MRTFB: variants seen among roughly 807,000 people sequenced by gnomAD.
MRTFB encodes myocardin-related transcription factor B.
Under a neutral mutation model 104.2 loss-of-function variants are expected in MRTFB, and 29 were observed. The observed-to-expected ratio is 0.28, with a 90% CI of 0.21 to 0.38. The LOEUF (loss-of-function observed/expected upper bound fraction) is 0.38, where lower values mean the gene tolerates loss of function less well. MRTFB is among the 10% of genes least tolerant of loss of function. MRTFB has a pLI of 1.00. For synonymous variants in MRTFB, 535 were observed against 519.5 expected, an observed-to-expected ratio of 1.03 and a Z score of -0.41; for missense variants, 1,270 against 1,341.6, an observed-to-expected ratio of 0.95 and a Z score of 0.83.
At chr16:14,249,898 C>T (rs894609898) in intron 13 of MRTFB, among the ~76,000 whole-genome samples, 1 of 152,154 alleles carries the variant, frequency 6.6e-6, no homozygotes, top group African/African-American at 2.4e-5. Flanking sequence ...TGGGTGAAAC[C>T]AGCTTTGGGG....
At chr16:14,082,088 G>C (rs969092828) in intron 2 of MRTFB, among the ~76,000 whole-genome samples, 2 of 152,112 alleles carry the variant, frequency 1.3e-5, no homozygotes, top group Non-Finnish European at 2.9e-5. Flanking sequence ...CCTGTGTTTT[G>C]GGGTTCATAT....
At chr16:14,148,481 A>G (rs1160180576) in intron 3 of MRTFB, among the ~76,000 whole-genome samples, 1 of 152,256 alleles carries the variant, frequency 6.6e-6, no homozygotes, top group Non-Finnish European at 1.5e-5. Flanking sequence ...CAGCAATAAT[A>G]AAGTACTCTT....
At position 14,261,138 on chromosome 16, in the gene MRTFB, A is replaced by T. The variant is rs758157981; in HGVS notation, c.2994A>T (p.Pro998=). ...GTLPSANEIP[P]LQSSSEDREP... is the part of the protein sequence containing the mutation. ...TACCCTCAGCCAATGAAATTCCTCC[A>T]CTACAAAGCAGCAGTGAAGACAGAG... The change falls in exon 17 of 17, where the codon CCA becomes CCT. Residue 998 remains proline, a synonymous_variant. Coordinates refer to ENST00000571589, the MANE Select transcript of MRTFB (RefSeq NM_001308142.2). 4.3e-6 allele frequency: 7 copies of T among 1,614,196 alleles called. No homozygotes were observed. Among genetic ancestry groups the T allele is most frequent in the Non-Finnish European group, 5.9e-6 (7 of 1,180,038 alleles).
chr16:14,235,819 GA>G (rs2042475936), intron 9 of MRTFB, among the ~76,000 whole-genome samples: 1 of 152,086 alleles, frequency 6.6e-6, no homozygotes, highest in Non-Finnish European at 1.5e-5. Flanking sequence ...GATTATACTC[GA>G]ACCGCATTTT....
chr16:14,179,302 A>G (rs954944594), intron 3 of MRTFB, among the ~76,000 whole-genome samples: 4 of 152,236 alleles, frequency 2.6e-5, no homozygotes, highest in African/African-American at 9.6e-5. Flanking sequence ...ATCATGACTC[A>G]TAGATCCCAT....
the MRTFB span, among the ~76,000 whole-genome samples, chr16:13,997,776 G>T: frequency 3.3e-5 from 4 of 121,448 alleles, no homozygotes; most frequent in Non-Finnish European, 6.4e-5. Context: ...CTGTGTGACA[G>T]AGCAAGACCC....
At chr16:14,009,360 C>A in the MRTFB span, 1 of 152,102 alleles carries the variant, frequency 6.6e-6, no homozygotes, top group Non-Finnish European at 1.5e-5. Context: ...GCATATTGAT[C>A]TTGTATCCTG....
chr16:14,256,194 C>CAAAAAAAAAAA (rs750556838), intron 15 of MRTFB, among the ~76,000 whole-genome samples: 1 of 77,640 alleles, frequency 1.3e-5, no homozygotes, highest in Non-Finnish European at 2.7e-5. Flanking sequence ...AACAGGATAA[C>CAAAAAAAAAAA]AAAAAAAAAA....
chr16:14,160,864 C>T (rs1241956193), intron 3 of MRTFB, among the ~76,000 whole-genome samples: 2 of 151,964 alleles, frequency 1.3e-5, no homozygotes, highest in Non-Finnish European at 2.9e-5. Context: ...GCCCATCCCC[C>T]TTAATTTTTT....
intron 3 of MRTFB, among the ~76,000 whole-genome samples, chr16:14,160,299 A>G (rs1194713697): frequency 6.6e-6 from 1 of 152,110 alleles, no homozygotes; most frequent in East Asian, 1.9e-4. Flanking sequence ...AATGACCCCA[A>G]TTTGAATTTG....
intron 9 of MRTFB, among the ~76,000 whole-genome samples, chr16:14,234,771 G>A (rs569802814): frequency 6.6e-6 from 1 of 152,104 alleles, no homozygotes; most frequent in South Asian, 2.1e-4. Flanking sequence ...CTCTAGCTTG[G>A]GTGACAGAGC....
At chr16:14,216,801 C>T (rs1199320148) in intron 6 of MRTFB, among the ~76,000 whole-genome samples, 1 of 152,198 alleles carries the variant, frequency 6.6e-6, no homozygotes, top group African/African-American at 2.4e-5. Context: ...CTTGCCCATC[C>T]TCTGTATCCC....
chr16:14,050,508 C>T, the MRTFB span, among the ~76,000 whole-genome samples: 1 of 152,140 alleles, frequency 6.6e-6, no homozygotes, highest in Non-Finnish European at 1.5e-5. Context: ...AATCCTACTA[C>T]TCCACAGGCT....
In MRTFB at chr16:14,252,582, CCCT is replaced by C; in HGVS notation, c.2703+81_2703+83del. On this transcript the variant is annotated intron_variant, in intron 15 of 16. Transcript: ENST00000571589. ...AGTCTCGAGCAGACCTATACAGAAT[CCCT>C]TGTCTGAAACTGACTTGCCTCAATA... 5 of 1,456,006 alleles carry C rather than the reference CCCT, an allele frequency of 3.4e-6. No individual in the cohort carries two copies. In the South Asian group the frequency reaches 4.7e-5, roughly 14 times the overall value. 90.2% of individuals were successfully genotyped at this position (1,456,006 alleles called of 1,614,324 possible). A position where few individuals can be genotyped will look rare whatever the true frequency, so the allele number is the denominator to read the frequency against.
intron 1 of MRTFB, among the ~76,000 whole-genome samples, chr16:14,072,032 A>G (rs972654651): frequency 5.9e-5 from 9 of 152,156 alleles, no homozygotes; most frequent in Non-Finnish European, 1.3e-4. Context: ...GGCTGAGAGC[A>G]GCGGGCGTGT....
chr16:14,108,599 T>G (rs2036116637), intron 2 of MRTFB, among the ~76,000 whole-genome samples: 1 of 152,184 alleles, frequency 6.6e-6, no homozygotes, highest in Admixed American at 6.5e-5. Flanking sequence ...ATTTGGAAAG[T>G]AACATTTAAG....
chr16:13,994,949 G>C, the MRTFB span, among the ~76,000 whole-genome samples: 2 of 152,160 alleles, frequency 1.3e-5, no homozygotes, highest in Non-Finnish European at 1.5e-5. Flanking sequence ...GGGTGGGCTT[G>C]AAACCCAGAC....
intron 3 of MRTFB, chr16:14,200,419 G>A: frequency 6.2e-7 from 1 of 1,608,524 alleles, no homozygotes; most frequent in East Asian, 2.2e-5. Flanking sequence ...CGGAAGAGGA[G>A]ACGACTAATA....
At chr16:14,094,899 C>T (rs1328466164) in intron 2 of MRTFB, among the ~76,000 whole-genome samples, 1 of 152,172 alleles carries the variant, frequency 6.6e-6, no homozygotes, top group Non-Finnish European at 1.5e-5. Flanking sequence ...TCTATCTATC[C>T]TTTTTGTTAC....
Sources: gnomAD v4.1 joint callset for allele counts (sites outside exome capture counted in the v4.1 genomes callset) on GRCh38, gnomAD v4.1.1 for gene constraint, MANE v1.5 for transcripts, NCBI Gene and HGNC (gene_info 2026-07-23, HGNC 2026-07-21) for gene names.